The following KIRREL3 variants were observed in gnomAD, a reference collection of about 807,000 sequenced individuals.
The protein encoded by KIRREL3 is kin of IRRE-like protein 3.
KIRREL3 carries 36 observed loss-of-function variants against 89.7 expected under a neutral mutation model. The ratio of observed to expected loss-of-function variants is 0.40; its 90% CI spans 0.31 to 0.53. The LOEUF (loss-of-function observed/expected upper bound fraction) is 0.53, where lower values mean the gene tolerates loss of function less well. Among genes scored for constraint, KIRREL3 ranks in the 20% least tolerant of loss-of-function variants. The probability of loss-of-function intolerance (pLI) is 0.49; values close to 1 mark genes in which losing one functional copy is unlikely to be tolerated. For synonymous variants in KIRREL3, 445 were observed against 441.4 expected (o/e 1.01, Z -0.10); for missense variants, 864 against 1,056.6 (o/e 0.82, Z 2.53).
rs550423908 is a variant in KIRREL3 at position 126,628,809 on chromosome 11, C to T, written c.56-65897G>A. On this transcript the variant is annotated intron_variant, in intron 1 of 16. Coordinates refer to ENST00000525144, the MANE Select transcript of KIRREL3 (RefSeq NM_032531.4). This position sits in a 1 kb window ranked among gnomAD's most constrained non-coding sequence, Gnocchi z 5.2. ...CAGGGCCTCGCCTCTACTGCCCCCT[C>T]CGCTCGCTCTGCCTGTGCAGGGTCC... Among the ~76,000 whole-genome samples the T allele has an allele frequency of 6.6e-6, 1 of 152,348 alleles. No homozygotes were observed. The highest frequency in any genetic ancestry group is 2.1e-4 in the South Asian group (1 of 4,832).
rs1940787549 is a variant in KIRREL3 at position 126,569,785 on chromosome 11, G to T, written c.56-6873C>A. 6.6e-6 allele frequency among the ~76,000 whole-genome samples: 1 copy of T among 152,086 alleles called. No individual in the cohort carries two copies. Among genetic ancestry groups the T allele is most frequent in the Admixed American group, 6.5e-5 (1 of 15,274 alleles). On this transcript the variant is annotated intron_variant, in intron 1 of 16. Coordinates refer to ENST00000525144, the MANE Select transcript of KIRREL3 (RefSeq NM_032531.4). This position sits in a 1 kb window ranked among gnomAD's most constrained non-coding sequence, Gnocchi z 6.5. The stretch of plus-strand genomic sequence containing the variant: ...AAAGCTGGAGATTGTCCCTAGTTTT[G>T]TCTTAGTTTTGGATGTCTACCAATG...
At chr11:126,599,382 T>C (rs1461489340) in intron 1 of KIRREL3, among the ~76,000 whole-genome samples, 4 of 152,190 alleles carry the variant, frequency 2.6e-5, no homozygotes, top group African/African-American at 9.6e-5. Context: ...GCTATTCCAT[T>C]GCCTGACTCT....
intron 1 of KIRREL3, among the ~76,000 whole-genome samples, chr11:126,963,011 A>G (rs1407203913): frequency 1.3e-5 from 2 of 152,228 alleles, no homozygotes; most frequent in Non-Finnish European, 2.9e-5. Context: ...TAGTGTAAAC[A>G]TAACTTTTAT....
rs1942969279 is a variant in KIRREL3 at position 126,608,225 on chromosome 11, G to A, written c.56-45313C>T. On this transcript the variant is annotated intron_variant, in intron 1 of 16. Coordinates refer to ENST00000525144, the MANE Select transcript of KIRREL3 (RefSeq NM_032531.4). This position sits in a 1 kb window ranked among gnomAD's most constrained non-coding sequence, Gnocchi z 4.9. ...GAGAGAAAAGCAGGAGGCAGCTGAA[G>A]GGGGCGGTCTCAGAAGCCCCCGCTG... 6.6e-6 allele frequency among the ~76,000 whole-genome samples: 1 copy of A among 152,198 alleles called. No homozygotes were observed. Among genetic ancestry groups the A allele is most frequent in the Admixed American group, 6.5e-5 (1 of 15,288 alleles).
intron 4 of KIRREL3, among the ~76,000 whole-genome samples, chr11:126,503,344 A>G (rs1398391188): frequency 6.6e-6 from 1 of 152,040 alleles, no homozygotes; most frequent in Non-Finnish European, 1.5e-5. Context: ...CTGGCCTGGG[A>G]GCAGAGGAGG....
At chr11:126,552,266 A>G (rs35055647) in intron 2 of KIRREL3, among the ~76,000 whole-genome samples, 20,167 of 152,000 alleles carry the variant, frequency 0.13, 1,827 homozygotes, top group Non-Finnish European at 0.2. Context: ...TAGTCCAGCC[A>G]GTGCCTCCCC....
At chr11:126,826,147 T>A (rs1283544985) in intron 1 of KIRREL3, among the ~76,000 whole-genome samples, 1 of 152,124 alleles carries the variant, frequency 6.6e-6, no homozygotes, top group Non-Finnish European at 1.5e-5. Context: ...TTCCCCATGG[T>A]ATTTGTGAAA....
rs1322514306 is a variant in KIRREL3 at position 126,860,213 on chromosome 11, C to T, written c.55+140242G>A. ...ATGTGCCCGTTGCTGGTACTTGGTG[C>T]TGGGAATATAAAAGATAAGTTCTCC... On this transcript the variant is annotated intron_variant, in intron 1 of 16. Coordinates refer to ENST00000525144, the MANE Select transcript of KIRREL3 (RefSeq NM_032531.4). This position sits in a 1 kb window ranked among gnomAD's most constrained non-coding sequence, Gnocchi z 4.6. Among the ~76,000 whole-genome samples, 1 of 152,072 alleles carries T rather than the reference C, an allele frequency of 6.6e-6. No homozygotes were observed. The highest frequency in any genetic ancestry group is 1.5e-5 in the Non-Finnish European group (1 of 68,030).
At chr11:126,732,803 CAGA>C (rs755951468) in intron 1 of KIRREL3, among the ~76,000 whole-genome samples, 1 of 152,202 alleles carries the variant, frequency 6.6e-6, no homozygotes, top group Non-Finnish European at 1.5e-5. Flanking sequence ...CAGAGCACTG[CAGA>C]GTGGAAAAGG....
intron 6 of KIRREL3, among the ~76,000 whole-genome samples, chr11:126,461,871 A>G (rs1391351726): frequency 2.4e-4 from 37 of 152,196 alleles, no homozygotes; most frequent in Admixed American, 2.4e-3. Context: ...GTAAAAGGCT[A>G]AGGAGGACAC....
chr11:126,959,115 C>A (rs1311358395), intron 1 of KIRREL3, among the ~76,000 whole-genome samples: 2 of 152,190 alleles, frequency 1.3e-5, no homozygotes, highest in Non-Finnish European at 2.9e-5. Context: ...ACCAGTGTTT[C>A]CCTGCCTACA....
chr11:126,828,963 G>T (rs1481742464), intron 1 of KIRREL3, among the ~76,000 whole-genome samples: 2 of 152,132 alleles, frequency 1.3e-5, no homozygotes, highest in Non-Finnish European at 2.9e-5. Flanking sequence ...CAGTATTGAG[G>T]CCACTGCTGT....
rs1174248959 is a variant in KIRREL3 at position 126,568,296 on chromosome 11, T to C, written c.56-5384A>G. Among the ~76,000 whole-genome samples, 2 of 150,142 alleles carry C rather than the reference T, an allele frequency of 1.3e-5. No homozygotes were observed. Among genetic ancestry groups the C allele is most frequent in the Admixed American group, 6.6e-5 (1 of 15,152 alleles). ...CTTCAGCACTGGTGCAGATGATGGA[T>C]GGGAGATGAGCTCAGAGAAGGGAGG... On this transcript the variant is annotated intron_variant, in intron 1 of 16. Coordinates refer to ENST00000525144, the MANE Select transcript of KIRREL3 (RefSeq NM_032531.4). The surrounding 1 kb of genome is among the most constrained non-coding windows in gnomAD (Gnocchi z 4.6).
Position 126,995,432 on chromosome 11 carries a change from C to A in KIRREL3, c.55+5023G>T. Reference sequence around the variant, plus strand: ...CAGTGCCTCTCTGTTTCTTGATGGACCCCAATAAAAAAACGCCTGCACTGT... The same window carrying A: ...CAGTGCCTCTCTGTTTCTTGATGGAACCCAATAAAAAAACGCCTGCACTGT... On this transcript the variant is annotated intron_variant, in intron 1 of 16. Transcript: ENST00000525144. The surrounding 1 kb of genome is among the most constrained non-coding windows in gnomAD (Gnocchi z 6.5). 2.4e-6 allele frequency: 1 copy of A among 412,724 alleles called. No individual in the cohort carries two copies. The highest frequency in any genetic ancestry group is 4.8e-6 in the Non-Finnish European group (1 of 207,830). The allele number at this position is 412,724 out of a possible 1,614,324, so 25.6% of individuals were successfully genotyped here.
rs1958519316 is a variant in KIRREL3 at position 126,519,450 on chromosome 11, G to A, written c.433+1865C>T. 6.6e-6 allele frequency among the ~76,000 whole-genome samples: 1 copy of A among 152,224 alleles called. No individual in the cohort carries two copies. Among genetic ancestry groups the A allele is most frequent in the Non-Finnish European group, 1.5e-5 (1 of 68,044 alleles). On this transcript the variant is annotated intron_variant, in intron 4 of 16. Coordinates refer to ENST00000525144, the MANE Select transcript of KIRREL3 (RefSeq NM_032531.4). The surrounding 1 kb of genome is among the most constrained non-coding windows in gnomAD (Gnocchi z 4.3). ...TCTGTAAAACATTCGAAATAATCTG[G>A]ACTTTTAATACGTTGGACTTTTTTA... is the stretch of plus-strand genomic sequence containing the variant.
rs1592330861 is a variant in KIRREL3 at position 126,908,814 on chromosome 11, G to GT, written c.55+91640dup. On this transcript the variant is annotated intron_variant, in intron 1 of 16. Coordinates refer to ENST00000525144, the MANE Select transcript of KIRREL3 (RefSeq NM_032531.4). This position sits in a 1 kb window ranked among gnomAD's most constrained non-coding sequence, Gnocchi z 4.2. ...AGGCAAATATATGCAGTCATCCCTC[G>GT]TTATTCAAGGAGGATTGGTTCCTGG... Among the ~76,000 whole-genome samples the GT allele has an allele frequency of 6.6e-6, 1 of 152,154 alleles. No individual in the cohort carries two copies. Among genetic ancestry groups the GT allele is most frequent in the East Asian group, 1.9e-4 (1 of 5,166 alleles).
At chr11:126,922,714 G>GCAACAA (rs60734857) in intron 1 of KIRREL3, among the ~76,000 whole-genome samples, 180 of 151,342 alleles carry the variant, frequency 1.2e-3, no homozygotes, top group Middle Eastern at 3.4e-3. Context: ...AGGAGCAGCA[G>GCAACAA]CAACAACAAC....
chr11:126,448,302 G>T (rs951963367), intron 8 of KIRREL3, among the ~76,000 whole-genome samples: 52 of 131,338 alleles, frequency 4.0e-4, no homozygotes, highest in Middle Eastern at 3.8e-3. Context: ...AAAAAAAAAA[G>T]AAATAAAAAG....
chr11:126,613,652 G>T (rs943950769), intron 1 of KIRREL3, among the ~76,000 whole-genome samples: 35 of 151,988 alleles, frequency 2.3e-4, no homozygotes, highest in African/African-American at 8.5e-4. Context: ...TTGCAGTAGA[G>T]AAAGAAGGAA....
Sources: gnomAD v4.1 joint callset for allele counts (sites outside exome capture counted in the v4.1 genomes callset) on GRCh38, gnomAD v4.1.1 for gene constraint, Gnocchi (gnomAD v3.1) non-coding constraint, MANE v1.5 for transcripts, NCBI Gene and HGNC (gene_info 2026-07-23, HGNC 2026-07-21) for gene names.